CBFA2T3: variants seen among roughly 807,000 people sequenced by gnomAD.
CBFA2T3 encodes the protein CBFA2/RUNX1 partner transcriptional co-repressor 3, also known as transcriptional corepressor CBFA2T3.
Under a neutral mutation model 58.6 loss-of-function variants are expected in CBFA2T3, and 31 were observed. The observed-to-expected ratio is 0.53, with a 90% CI of 0.40 to 0.71. The LOEUF is 0.71. Ranked by LOEUF, CBFA2T3 falls within the 30% of genes least tolerant of loss-of-function variation. CBFA2T3 has a pLI of 0.00. For missense variants in CBFA2T3, 1,076 were observed against 963.1 expected, an observed-to-expected ratio of 1.12 and a Z score of -1.55; for synonymous variants, 531 against 421.9, an observed-to-expected ratio of 1.26 and a Z score of -3.17.
intron 1 of CBFA2T3, among the ~76,000 whole-genome samples, chr16:88,959,027 C>T (rs1020484965): frequency 4.6e-5 from 7 of 152,152 alleles, no homozygotes; most frequent in African/African-American, 7.2e-5. Context: ...CGGGCTGTGC[C>T]GCACCAACCC....
At chr16:88,884,842 G>C (rs1219668920) in intron 7 of CBFA2T3, 2 of 475,992 alleles carry the variant, frequency 4.2e-6, no homozygotes, top group Admixed American at 3.9e-5. Context: ...CCCGGGGGGA[G>C]AGGTGGGTTC....
intron 1 of CBFA2T3, among the ~76,000 whole-genome samples, chr16:88,918,834 G>A (rs1436875969): frequency 6.6e-6 from 1 of 152,228 alleles, no homozygotes; most frequent in African/African-American, 2.4e-5. Context: ...GGTGCTGAGA[G>A]AGGTCGGAGC....
intron 3 of CBFA2T3, among the ~76,000 whole-genome samples, chr16:88,895,617 G>A (rs150051681): frequency 2.0e-5 from 3 of 151,730 alleles, no homozygotes; most frequent in East Asian, 1.9e-4. Flanking sequence ...TTGGTGGAGC[G>A]GGGGGAACAG....
intron 1 of CBFA2T3, chr16:88,902,425 C>T (rs528641011): frequency 1.3e-5 from 2 of 151,780 alleles, no homozygotes; most frequent in Admixed American, 6.5e-5. Flanking sequence ...AACAAGATTC[C>T]CTCGTGGTCT....
chr16:88,974,261 C>G (rs1188275252), intron 1 of CBFA2T3, among the ~76,000 whole-genome samples: 1 of 152,190 alleles, frequency 6.6e-6, no homozygotes, highest in Non-Finnish European at 1.5e-5. Context: ...TCCGAGCACA[C>G]ACAGCGGGCG....
At chr16:88,931,970 C>T (rs1971322581) in intron 1 of CBFA2T3, among the ~76,000 whole-genome samples, 1 of 152,102 alleles carries the variant, frequency 6.6e-6, no homozygotes, top group African/African-American at 2.4e-5. Context: ...TCTGGACAGC[C>T]AGGTCATAGG....
In CBFA2T3 at chr16:88,885,392, A is replaced by T; in HGVS notation, c.894-123T>A. The T allele has an allele frequency of 1.6e-6, 1 of 613,688 alleles. No homozygotes were observed. Among genetic ancestry groups the T allele is most frequent in the Non-Finnish European group, 2.6e-6 (1 of 383,676 alleles). The allele number at this position is 613,688 out of a possible 1,614,324, so 38.0% of individuals were successfully genotyped here. ...GAAAGAGGACACGTAAGGGCGAGACAGAAACACGGAGCAAAACACCAGCCC... is the reference window on the plus strand; with the variant it reads ...GAAAGAGGACACGTAAGGGCGAGACTGAAACACGGAGCAAAACACCAGCCC... On this transcript the variant is annotated intron_variant, in intron 6 of 11. Transcript: ENST00000268679. This position sits in a 1 kb window ranked among gnomAD's most constrained non-coding sequence, Gnocchi z 5.3.
intron 1 of CBFA2T3, chr16:88,950,591 C>A: frequency 5.1e-6 from 2 of 394,930 alleles, no homozygotes; most frequent in Non-Finnish European, 9.8e-6. Flanking sequence ...ACCTGTCTTC[C>A]GGATCTGTTC....
chr16:88,905,160 T>C (rs1248399037), intron 1 of CBFA2T3, among the ~76,000 whole-genome samples: 1 of 151,942 alleles, frequency 6.6e-6, no homozygotes, highest in Non-Finnish European at 1.5e-5. Context: ...GCGGGGAGTC[T>C]GGAGCTCTGC....
chr16:88,937,376 C>T, intron 1 of CBFA2T3: 1 of 152,914 alleles, frequency 6.5e-6, no homozygotes, highest in African/African-American at 2.4e-5. Flanking sequence ...GCCTGCACCT[C>T]CCTAGCCAGT....
intron 7 of CBFA2T3, 107 bp downstream of exon 7, chr16:88,884,939 C>A (rs1054872581): frequency 1.2e-6 from 1 of 819,848 alleles, no homozygotes; most frequent in African/African-American, 1.8e-5. Flanking sequence ...AGCTCAGGTG[C>A]ACACAGCTGC....
intron 1 of CBFA2T3, among the ~76,000 whole-genome samples, chr16:88,903,398 G>T (rs985683018): frequency 1.1e-4 from 17 of 152,126 alleles, no homozygotes; most frequent in Non-Finnish European, 1.8e-4. Context: ...GGGGAGTGGT[G>T]GGGGGAGGAA....
At chr16:88,973,304 T>C (rs1226161995) in intron 1 of CBFA2T3, among the ~76,000 whole-genome samples, 3 of 152,138 alleles carry the variant, frequency 2.0e-5, no homozygotes, top group South Asian at 2.1e-4. Flanking sequence ...GAGACGGCCT[T>C]GCAAAGACAG....
intron 1 of CBFA2T3, among the ~76,000 whole-genome samples, chr16:88,943,187 C>T (rs1971801265): frequency 6.6e-6 from 1 of 152,250 alleles, no homozygotes; most frequent in Non-Finnish European, 1.5e-5. Flanking sequence ...CAGCAGCGAA[C>T]CACCCTGAAG....
rs1970098077 is a variant in CBFA2T3, at chr16:88,901,537, C to T, written c.271G>A (p.Ala91Thr). 9 of 1,480,050 alleles carry T rather than the reference C, an allele frequency of 6.1e-6. No homozygotes were observed. In the Admixed American group the frequency reaches 8.5e-5, roughly 14 times the overall value. The allele number at this position is 1,480,050 out of a possible 1,614,324, so 91.7% of individuals were successfully genotyped here. A position where few individuals can be genotyped will look rare whatever the true frequency, so the allele number is the denominator to read the frequency against. The change falls in exon 2 of 12, where the codon GCC becomes ACC. Residue 91 changes from alanine (A) to threonine (T), a missense_variant. Coordinates refer to ENST00000268679, the MANE Select transcript of CBFA2T3 (RefSeq NM_005187.6). Reference protein sequence around the residue: ...PPPPPAASQGATRPPSFTPHT... With the variant: ...PPPPPAASQGTTRPPSFTPHT... ...GGCGTGAAGGAGGGGGGGCGTGTGG[C>T]CCCCTGGGATGCGGCAGGCGGTGGG... is the stretch of plus-strand genomic sequence containing the variant.
chr16:88,976,636 C>T, intron 1 of CBFA2T3, 21 bp downstream of exon 1: 1 of 1,537,830 alleles, frequency 6.5e-7, no homozygotes, highest in Non-Finnish European at 8.8e-7. Flanking sequence ...CACCCCACCA[C>T]CTTCCCCTCG....
At chr16:88,921,113 G>A (rs1174758857) in intron 1 of CBFA2T3, among the ~76,000 whole-genome samples, 1 of 152,272 alleles carries the variant, frequency 6.6e-6, no homozygotes, top group Non-Finnish European at 1.5e-5. Context: ...ACAGGGCGGA[G>A]GCCTGGGGCA....
At chr16:88,933,189 G>A (rs766701700) in intron 1 of CBFA2T3, among the ~76,000 whole-genome samples, 6 of 152,204 alleles carry the variant, frequency 3.9e-5, no homozygotes, top group African/African-American at 9.6e-5. Flanking sequence ...TGCACCTCCC[G>A]TTTGCCTCAC....
At chr16:88,915,782 G>C (rs1016851207) in intron 1 of CBFA2T3, among the ~76,000 whole-genome samples, 4 of 151,136 alleles carry the variant, frequency 2.6e-5, no homozygotes, top group Non-Finnish European at 5.9e-5. Context: ...AGAACGAGCA[G>C]ACACGTGGGC....
Sources: allele counts gnomAD v4.1 joint callset (sites outside exome capture counted in the v4.1 genomes callset), GRCh38; gene constraint gnomAD v4.1.1; non-coding constraint Gnocchi (gnomAD v3.1); transcripts MANE v1.5; gene names NCBI Gene and HGNC (gene_info 2026-07-23, HGNC 2026-07-21).